ZNF831: variants seen among roughly 807,000 people sequenced by gnomAD.
The protein encoded by ZNF831 is chromosome 20 open reading frame 174.
In ZNF831, 59 loss-of-function variants were observed where a neutral mutation model predicts 95.8. That is an observed-to-expected ratio of 0.62 (90% confidence interval 0.50 to 0.77). The LOEUF is 0.77. Among genes scored for constraint, ZNF831 ranks in the 30% least tolerant of loss-of-function variants. The pLI is 0.00. For synonymous variants in ZNF831, 961 were observed against 925.5 expected, an observed-to-expected ratio of 1.04 and a Z score of -0.70; for missense variants, 2,205 against 2,164.0, an observed-to-expected ratio of 1.02 and a Z score of -0.38.
chr20:59,150,948 G>A (rs1303893459), intron 2 of ZNF831, among the ~76,000 whole-genome samples: 4 of 152,190 alleles, frequency 2.6e-5, no homozygotes, highest in South Asian at 2.1e-4. Flanking sequence ...AGATGGGAAC[G>A]GCTGTGTCAA....
chr20:59,132,762 C>T (rs1472838426), intron 1 of ZNF831, among the ~76,000 whole-genome samples: 1 of 152,224 alleles, frequency 6.6e-6, no homozygotes, highest in Non-Finnish European at 1.5e-5. Flanking sequence ...TCATCTCAAG[C>T]ACCCCTCAGC....
chr20:59,146,067 T>G (rs954726113), intron 1 of ZNF831, among the ~76,000 whole-genome samples: 4 of 152,060 alleles, frequency 2.6e-5, no homozygotes, highest in African/African-American at 9.7e-5. Context: ...GGCACTGAGC[T>G]TCAGCAGGCA....
rs776433093 is a variant in ZNF831 at position 59,193,100 on chromosome 20, G to A, written c.2081G>A (p.Gly694Glu). Residue 694 changes from glycine to glutamate, a missense_variant, in exon 2 of 6, where the codon GGA becomes GAA. Coordinates refer to ENST00000371030, the MANE Select transcript of ZNF831 (RefSeq NM_178457.3). ...GCAGGGGCAACGCCAGAGCCTTGGG[G>A]AAATCCACCAGCCCTGGAGGCCTCC... The part of the protein sequence containing the change: ...ISAGATPEPW[G>E]NPPALEASLV... 6.3e-7 allele frequency: 1 copy of A among 1,597,300 alleles called. No individual in the cohort carries two copies. The highest frequency in any genetic ancestry group is 8.5e-7 in the Non-Finnish European group (1 of 1,171,662).
chr20:59,143,346 G>A (rs1310436303), intron 1 of ZNF831, among the ~76,000 whole-genome samples: 2 of 152,228 alleles, frequency 1.3e-5, no homozygotes, highest in Admixed American at 1.3e-4. Context: ...TCTCCATGCT[G>A]ATACCCAGAG....
intron 1 of ZNF831, among the ~76,000 whole-genome samples, chr20:59,144,426 G>GT (rs1979774965): frequency 6.6e-6 from 1 of 152,130 alleles, no homozygotes; most frequent in African/African-American, 2.4e-5. Context: ...GCATTGTAGG[G>GT]TGCTTAGCAG....
intron 3 of ZNF831, among the ~76,000 whole-genome samples, chr20:59,205,512 C>T (rs867548568): frequency 6.6e-6 from 1 of 152,284 alleles, no homozygotes; most frequent in South Asian, 2.1e-4. Flanking sequence ...AAAAGATGAA[C>T]AAAATGTCAC....
Position 59,259,029 on chromosome 20 carries a change from T to C in ZNF831, c.*4286T>C, listed in dbSNP as rs1447202043. The C allele has an allele frequency of 3.3e-5, 5 of 152,238 alleles. No individual in the cohort carries two copies. The East Asian group carries it at 5.8e-4, about 18-fold the overall frequency. The allele number at this position is 152,238 out of a possible 1,614,324, so 9.4% of individuals were successfully genotyped here. On this transcript the variant is annotated 3_prime_UTR_variant, in exon 6 of 6. Coordinates refer to ENST00000371030, the MANE Select transcript of ZNF831 (RefSeq NM_178457.3). Reference sequence around the variant, plus strand: ...TGGTTGTTCACAATCAGGGAAATGATTGGCTTCTTGGTTGTTTGTTGAACT... The same window carrying C: ...TGGTTGTTCACAATCAGGGAAATGACTGGCTTCTTGGTTGTTTGTTGAACT...
rs2146769379 is a variant in ZNF831 at position 59,254,417 on chromosome 20, C to G, written c.4708C>G (p.Pro1570Ala). 5 of 1,614,194 alleles carry G rather than the reference C, an allele frequency of 3.1e-6. No individual in the cohort carries two copies. The highest frequency in any genetic ancestry group is 3.4e-6 in the Non-Finnish European group (4 of 1,180,038). Residue 1570 changes from proline to alanine, a missense_variant, in exon 6 of 6, where the codon CCA (proline) becomes GCA (alanine). Transcript: ENST00000371030. The surrounding 1 kb of genome is among the most constrained non-coding windows in gnomAD (Gnocchi z 4.5). ...AACTGAAAAAACTCATCTTGAAATACCAGCTTCAGGACCAAGTTCAGCTAG... is the reference window on the plus strand; with the variant it reads ...AACTGAAAAAACTCATCTTGAAATAGCAGCTTCAGGACCAAGTTCAGCTAG... ...ESTEKTHLEI[P>A]ASGPSSASSH...
intron 2 of ZNF831, among the ~76,000 whole-genome samples, chr20:59,157,498 G>A (rs1980604678): frequency 6.6e-6 from 1 of 152,132 alleles, no homozygotes; most frequent in Non-Finnish European, 1.5e-5. Flanking sequence ...GACTTACAGT[G>A]AGAACATACT....
intron 1 of ZNF831, among the ~76,000 whole-genome samples, chr20:59,138,501 G>C (rs181330839): frequency 2.2e-4 from 33 of 152,234 alleles, no homozygotes; most frequent in African/African-American, 7.9e-4. Flanking sequence ...CTTGCTCTCT[G>C]CTCTGCCTGT....
At chr20:59,179,504 T>G in intron 1 of ZNF831, among the ~76,000 whole-genome samples, 1 of 152,192 alleles carries the variant, frequency 6.6e-6, no homozygotes, top group Admixed American at 6.5e-5. Flanking sequence ...CAAGGCATCC[T>G]TGATTTTTAG....
intron 1 of ZNF831, among the ~76,000 whole-genome samples, chr20:59,180,728 T>G (rs1186586598): frequency 5.9e-5 from 9 of 152,256 alleles, no homozygotes; most frequent in Non-Finnish European, 1.5e-5. Context: ...GGCTGCATAC[T>G]ATTCCATGGT....
intron 3 of ZNF831, among the ~76,000 whole-genome samples, 193 bp from the exon 4 acceptor site, chr20:59,206,712 C>A (rs144133030): frequency 2.0e-5 from 3 of 152,122 alleles, no homozygotes; most frequent in African/African-American, 7.2e-5. Flanking sequence ...CCTACAACAA[C>A]CTCTGAAGCT....
intron 3 of ZNF831, among the ~76,000 whole-genome samples, chr20:59,197,303 A>G (rs534329115): frequency 5.3e-5 from 8 of 152,234 alleles, no homozygotes; most frequent in African/African-American, 1.4e-4. Context: ...GCTTTCTGGC[A>G]TGCATTGTTT....
chr20:59,130,997 G>A (rs1020898365), intron 1 of ZNF831, among the ~76,000 whole-genome samples: 5 of 152,116 alleles, frequency 3.3e-5, no homozygotes, highest in African/African-American at 9.7e-5. Context: ...GGAAGCATGT[G>A]GTGCATGGTA....
At chr20:59,144,043 A>G (rs1979762167) in intron 1 of ZNF831, among the ~76,000 whole-genome samples, 1 of 152,160 alleles carries the variant, frequency 6.6e-6, no homozygotes, top group African/African-American at 2.4e-5. Flanking sequence ...AAGTTGTCTG[A>G]TGTACTTAAG....
Position 59,189,115 on chromosome 20 carries a change from A to G in ZNF831, c.-36-1869A>G, listed in dbSNP as rs1047797582. ...AGAATAGCTTGAATCCAGGAGGCAG[A>G]GGTTGCAGTGAGCTGAGATCGCACC... On this transcript the variant is annotated intron_variant, in intron 1 of 5. Transcript: ENST00000371030. Among the ~76,000 whole-genome samples, 8 of 152,094 alleles carry G rather than the reference A, an allele frequency of 5.3e-5. 1 individual carries two copies. Among genetic ancestry groups the G allele is most frequent in the Non-Finnish European group, 1.2e-4 (8 of 68,014 alleles).
At chr20:59,194,934 C>A (rs1288291486) in intron 2 of ZNF831, among the ~76,000 whole-genome samples, 177 bp downstream of exon 2, 1 of 152,174 alleles carries the variant, frequency 6.6e-6, no homozygotes, top group African/African-American at 2.4e-5. Flanking sequence ...AATAAAGGCC[C>A]AAATGCAAAC....
chr20:59,160,566 C>T (rs765525940), upstream of ZNF831: 2 of 152,352 alleles, frequency 1.3e-5, no homozygotes, highest in Non-Finnish European at 2.9e-5. Flanking sequence ...GCTCCAGCCC[C>T]TCTCCCTGGG....
Sources: gnomAD v4.1 joint callset for allele counts (sites outside exome capture counted in the v4.1 genomes callset) on GRCh38, gnomAD v4.1.1 for gene constraint, Gnocchi (gnomAD v3.1) non-coding constraint, MANE v1.5 for transcripts, NCBI Gene and HGNC (gene_info 2026-07-23, HGNC 2026-07-21) for gene names.